Variants in TBC1D22A observed in about 807,000 individuals in gnomAD.
TBC1D22A encodes TBC1 domain family member 22A.
Under a neutral mutation model 60.2 loss-of-function variants are expected in TBC1D22A, and 38 were observed. The ratio of observed to expected loss-of-function variants is 0.63; its 90% confidence interval spans 0.49 to 0.83. The LOEUF is 0.83. Among genes scored for constraint, TBC1D22A ranks in the 40% least tolerant of loss-of-function variants. The pLI is 0.00. For synonymous variants in TBC1D22A, 302 were observed against 281.7 expected (o/e 1.07, Z -0.72); for missense variants, 628 against 701.0 (o/e 0.90, Z 1.18).
chr22:46,954,077 T>C lies in TBC1D22A; in HGVS notation c.1016-20213T>C, dbSNP rs73480787. 8.6e-3 allele frequency among the ~76,000 whole-genome samples: 1,306 copies of C among 152,268 alleles called. 11 individuals are homozygous for C. Among genetic ancestry groups the C allele is most frequent in the African/African-American group, 0.03 (1,245 of 41,532 alleles). ...GTCGAGGATCAGGTCACGGTCACAC[T>C]AGTGTAGTTAAAATGCTGTTACCAC... is the stretch of plus-strand genomic sequence containing the variant. On this transcript the variant is annotated intron_variant, in intron 8 of 12. Transcript: ENST00000337137.
At chr22:46,853,374 C>T (rs1602159229) in intron 4 of TBC1D22A, among the ~76,000 whole-genome samples, 1 of 152,322 alleles carries the variant, frequency 6.6e-6, no homozygotes, top group South Asian at 2.1e-4. Context: ...TCTACTCAAC[C>T]GTACCGTGGA....
chr22:46,852,775 A>C (rs2087350052), intron 4 of TBC1D22A, among the ~76,000 whole-genome samples: 1 of 152,118 alleles, frequency 6.6e-6, no homozygotes, highest in Non-Finnish European at 1.5e-5. Context: ...CCTTGTGTAA[A>C]GTTGGCTGTT....
At chr22:46,912,880 A>T (rs2147787959) in intron 8 of TBC1D22A, among the ~76,000 whole-genome samples, 1 of 152,286 alleles carries the variant, frequency 6.6e-6, no homozygotes, top group East Asian at 1.9e-4. Context: ...AATGGATAAG[A>T]TTAAGGTGAT....
At chr22:46,805,284 G>A (rs767937630) in intron 4 of TBC1D22A, among the ~76,000 whole-genome samples, 1 of 152,206 alleles carries the variant, frequency 6.6e-6, no homozygotes, top group South Asian at 2.1e-4. Context: ...GCGGTGAGTG[G>A]GGCATCACTG....
At chr22:46,913,621 T>G in intron 8 of TBC1D22A, 3 of 985,390 alleles carry the variant, frequency 3.0e-6, no homozygotes, top group Non-Finnish European at 3.6e-6. Context: ...TACCCCTCAT[T>G]TGACAGATAA....
rs747424570 is a variant in TBC1D22A, at chr22:47,037,072, G to A, written c.1203G>A (p.Glu401=). The change falls in exon 11 of 13, where the codon GAG becomes GAA. Residue 401 remains glutamate (E), a splice_region_variant and synonymous_variant. Transcript: ENST00000337137. ...GGGGCCTGTGTTTGTTTTGTGCAGAGCAAGTGCACCGGCACCTGGACCAAC... is the reference window on the plus strand; with the variant it reads ...GGGGCCTGTGTTTGTTTTGTGCAGAACAAGTGCACCGGCACCTGGACCAAC... ...MLEELVSRID[E]QVHRHLDQHE... is the part of the protein sequence containing the mutation. 3 of 1,613,536 alleles carry A rather than the reference G, an allele frequency of 1.9e-6. No individual in the cohort carries two copies. The Admixed American group carries it at 5.0e-5, about 27-fold the overall frequency.
chr22:46,812,239 C>T (rs990324868), intron 4 of TBC1D22A, among the ~76,000 whole-genome samples: 1 of 152,132 alleles, frequency 6.6e-6, no homozygotes, highest in Non-Finnish European at 1.5e-5. Flanking sequence ...TCCCTCATGC[C>T]GTTTCTGGGT....
intron 12 of TBC1D22A, among the ~76,000 whole-genome samples, chr22:47,154,405 C>T (rs372380124): frequency 2.6e-5 from 4 of 152,324 alleles, no homozygotes; most frequent in East Asian, 1.9e-4. Context: ...TTACTTGTCA[C>T]GCGCGGGACA....
intron 10 of TBC1D22A, 57 bp downstream of exon 10, chr22:46,997,766 C>T (rs2075170173): frequency 6.5e-7 from 1 of 1,527,702 alleles, no homozygotes; most frequent in South Asian, 1.1e-5. Context: ...GGCCCTCAGC[C>T]CTCGGTGGGA....
At chr22:46,957,154 G>C (rs896507673) in intron 8 of TBC1D22A, among the ~76,000 whole-genome samples, 1 of 152,242 alleles carries the variant, frequency 6.6e-6, no homozygotes, top group Non-Finnish European at 1.5e-5. Context: ...GGCACCAGGT[G>C]TGATGGGCCA....
chr22:47,134,455 G>A (rs372021821), intron 12 of TBC1D22A, among the ~76,000 whole-genome samples: 4 of 152,226 alleles, frequency 2.6e-5, no homozygotes, highest in Admixed American at 1.3e-4. Flanking sequence ...ACCGCCCCTC[G>A]CCAGCTCCTG....
At chr22:46,863,876 C>T (rs1019340052) in intron 4 of TBC1D22A, among the ~76,000 whole-genome samples, 2 of 152,174 alleles carry the variant, frequency 1.3e-5, no homozygotes, top group African/African-American at 4.8e-5. Context: ...CTGCCGGCCT[C>T]ATGGACATCT....
At chr22:47,136,266 C>T (rs916598382) in intron 12 of TBC1D22A, among the ~76,000 whole-genome samples, 3 of 152,218 alleles carry the variant, frequency 2.0e-5, no homozygotes, top group Non-Finnish European at 4.4e-5. Flanking sequence ...TCCTGGCCCC[C>T]GCCCCAGGTC....
chr22:46,928,038 G>A (rs2071147188), intron 8 of TBC1D22A, among the ~76,000 whole-genome samples: 1 of 151,808 alleles, frequency 6.6e-6, no homozygotes. Context: ...CCTATCAAAA[G>A]CCTAAATGGC....
intron 4 of TBC1D22A, among the ~76,000 whole-genome samples, chr22:46,826,163 G>A (rs901124928): frequency 3.9e-5 from 6 of 152,194 alleles, no homozygotes; most frequent in African/African-American, 1.4e-4. Context: ...TTATAGGCGT[G>A]AGCCACCACA....
At chr22:47,113,368 G>A (rs75624865) in intron 12 of TBC1D22A, among the ~76,000 whole-genome samples, 1,678 of 152,306 alleles carry the variant, frequency 0.011, 18 homozygotes, top group African/African-American at 0.039. Flanking sequence ...CTGTTCCCTG[G>A]AGGCCCTGGG....
rs531582008 is a variant in TBC1D22A at position 46,913,774 on chromosome 22, A to T, written c.1015+1586A>T. On this transcript the variant is annotated intron_variant, in intron 8 of 12. Transcript: ENST00000337137. ...ATAGACCATTTAATTAATGTGGTAAATAAGTTTGTTTTAACTACTTTACCG... is the reference window on the plus strand; with the variant it reads ...ATAGACCATTTAATTAATGTGGTAATTAAGTTTGTTTTAACTACTTTACCG... 21 of 985,288 alleles carry T rather than the reference A, an allele frequency of 2.1e-5. No homozygotes were observed. The South Asian group carries it at 7.0e-4, about 33-fold the overall frequency. The allele number at this position is 985,288 out of a possible 1,614,324, so 61.0% of individuals were successfully genotyped here.
chr22:47,054,176 G>A (rs1359447370), intron 11 of TBC1D22A, among the ~76,000 whole-genome samples: 17 of 152,220 alleles, frequency 1.1e-4, no homozygotes, highest in Admixed American at 8.5e-4. Flanking sequence ...GAGGAAGGAC[G>A]TGCAGGGACC....
At chr22:47,021,084 A>T (rs1377581404) in intron 10 of TBC1D22A, among the ~76,000 whole-genome samples, 1 of 152,158 alleles carries the variant, frequency 6.6e-6, no homozygotes, top group Non-Finnish European at 1.5e-5. Context: ...AGGCCTCCTG[A>T]TGAGGATGCA....
Sources: allele counts gnomAD v4.1 joint callset (sites outside exome capture counted in the v4.1 genomes callset), GRCh38; gene constraint gnomAD v4.1.1; transcripts MANE v1.5; gene names NCBI Gene and HGNC (gene_info 2026-07-23, HGNC 2026-07-21).